XKR9: variants seen among roughly 807,000 people sequenced by gnomAD.
XKR9 encodes the protein XK related 9, also known as XK-related protein 9.
A neutral mutation model predicts 32.0 loss-of-function variants in XKR9; 32 were observed. The observed-to-expected ratio is 1.00, with a 90% CI of 0.76 to 1.34. The LOEUF is 1.34. XKR9 is among the 40% of genes most tolerant of loss of function. XKR9 has a pLI of 0.00. For synonymous variants in XKR9, 168 were observed against 143.4 expected, an observed-to-expected ratio of 1.17 and a Z score of -1.22; for missense variants, 546 against 429.7, an observed-to-expected ratio of 1.27 and a Z score of -2.39.
chr8:70,928,100 T>C, the XKR9 span, among the ~76,000 whole-genome samples: 3 of 152,210 alleles, frequency 2.0e-5, no homozygotes, highest in Non-Finnish European at 4.4e-5. Flanking sequence ...TGGAGTGCAG[T>C]AGAGTAATTG....
At chr8:70,937,097 C>CACAT in the XKR9 span, among the ~76,000 whole-genome samples, 1 of 151,890 alleles carries the variant, frequency 6.6e-6, no homozygotes, top group Non-Finnish European at 1.5e-5. Context: ...CACACATGCA[C>CACAT]ACATACACAC....
At chr8:70,814,091 C>T in the XKR9 span, among the ~76,000 whole-genome samples, 1 of 152,144 alleles carries the variant, frequency 6.6e-6, no homozygotes, top group Admixed American at 6.5e-5. Flanking sequence ...GGCACATATA[C>T]ACCATGGAAT....
the XKR9 span, among the ~76,000 whole-genome samples, chr8:71,059,395 T>C: frequency 3.3e-5 from 5 of 152,378 alleles, no homozygotes; most frequent in African/African-American, 9.6e-5. Context: ...CCCGAAGTTA[T>C]GAGCTACCTT....
the XKR9 span, among the ~76,000 whole-genome samples, chr8:70,936,191 T>C: frequency 6.6e-6 from 1 of 152,074 alleles, no homozygotes; most frequent in African/African-American, 2.4e-5. Context: ...TAAGATAAGC[T>C]ACCTGTGTAA....
At chr8:70,917,760 CA>C in the XKR9 span, among the ~76,000 whole-genome samples, 1 of 152,178 alleles carries the variant, frequency 6.6e-6, no homozygotes, top group African/African-American at 2.4e-5. Flanking sequence ...TACCTGGGTT[CA>C]AATACCACTT....
chr8:70,801,917 C>A, the XKR9 span, among the ~76,000 whole-genome samples: 1 of 151,462 alleles, frequency 6.6e-6, no homozygotes, highest in East Asian at 1.9e-4. Context: ...TTGTGTAATG[C>A]TCTTCTTTTT....
chr8:70,763,370 C>A (rs1397647856), intron 2 of XKR9, among the ~76,000 whole-genome samples: 1 of 152,236 alleles, frequency 6.6e-6, no homozygotes, highest in East Asian at 1.9e-4. Flanking sequence ...ATCCAGCTAA[C>A]TTTTTTCAGA....
intron 2 of XKR9, among the ~76,000 whole-genome samples, chr8:70,754,834 A>G (rs1435120261): frequency 2.0e-5 from 3 of 152,096 alleles, no homozygotes; most frequent in South Asian, 4.1e-4. Flanking sequence ...AGGCATTACC[A>G]TTCAGGACAC....
chr8:71,014,617 A>G, the XKR9 span, among the ~76,000 whole-genome samples: 1 of 152,174 alleles, frequency 6.6e-6, no homozygotes, highest in Non-Finnish European at 1.5e-5. Flanking sequence ...TCCTTAACTT[A>G]GTTACATCTG....
the XKR9 span, among the ~76,000 whole-genome samples, chr8:70,805,042 C>T: frequency 1.3e-5 from 2 of 152,134 alleles, no homozygotes; most frequent in African/African-American, 2.4e-5. Context: ...CAAAAAGAAC[C>T]ATAATAAGCA....
intron 4 of XKR9, among the ~76,000 whole-genome samples, chr8:70,721,854 C>G (rs1175477919): frequency 6.6e-6 from 1 of 152,064 alleles, no homozygotes; most frequent in Non-Finnish European, 1.5e-5. Flanking sequence ...TCCTGAATAT[C>G]CTTGTTAATT....
chr8:70,938,060 TG>T, the XKR9 span, among the ~76,000 whole-genome samples: 237 of 152,114 alleles, frequency 1.6e-3, 1 homozygote, highest in African/African-American at 5.5e-3. Flanking sequence ...CAGGTTAAAG[TG>T]GCAAAATGTA....
chr8:70,804,957 C>T, the XKR9 span, among the ~76,000 whole-genome samples: 1 of 152,170 alleles, frequency 6.6e-6, no homozygotes, highest in East Asian at 1.9e-4. Context: ...ACCTTCTACA[C>T]AAATGTTTAA....
chr8:70,756,451 G>C (rs1807227820), intron 2 of XKR9, among the ~76,000 whole-genome samples: 2 of 152,232 alleles, frequency 1.3e-5, no homozygotes, highest in East Asian at 1.9e-4. Context: ...GGATCAGTTT[G>C]GGGAATATTG....
chr8:70,933,032 C>T, the XKR9 span, among the ~76,000 whole-genome samples: 34 of 152,114 alleles, frequency 2.2e-4, no homozygotes, highest in South Asian at 3.5e-3. Context: ...GACAGGTTTC[C>T]GACCCTCTAA....
At chr8:70,740,739 C>G (rs994533596), downstream of XKR9, among the ~76,000 whole-genome samples, 1 of 152,182 alleles carries the variant, frequency 6.6e-6, no homozygotes, top group African/African-American at 2.4e-5. Context: ...CACTCCAGAC[C>G]CTGTTTGCCT....
At chr8:70,865,310 TCCTGAAGCTGAGAGGAA>T in the XKR9 span, among the ~76,000 whole-genome samples, 1 of 151,882 alleles carries the variant, frequency 6.6e-6, no homozygotes, top group Non-Finnish European at 1.5e-5. Context: ...GTTAAATGCT[TCCTGAAGCTGAGAGGAA>T]CCCTAAAATT....
chr8:70,759,608 GATA>G (rs1459603695), intron 2 of XKR9, among the ~76,000 whole-genome samples: 4 of 152,248 alleles, frequency 2.6e-5, no homozygotes, highest in African/African-American at 7.2e-5. Context: ...TTAAATTAAA[GATA>G]ATAAGCTATT....
At chr8:70,916,331 T>G in the XKR9 span, among the ~76,000 whole-genome samples, 1 of 152,184 alleles carries the variant, frequency 6.6e-6, no homozygotes, top group African/African-American at 2.4e-5. Context: ...TCAGCAAACC[T>G]TTAGAGGGCA....
Sources: gnomAD v4.1 joint callset for allele counts (sites outside exome capture counted in the v4.1 genomes callset) on GRCh38, gnomAD v4.1.1 for gene constraint, MANE v1.5 for transcripts, NCBI Gene and HGNC (gene_info 2026-07-23, HGNC 2026-07-21) for gene names.